The following GDPD5 variants were observed in gnomAD, a reference collection of about 807,000 sequenced individuals.
GDPD5 encodes the protein glycerophosphodiester phosphodiesterase 2.
In GDPD5, 48 loss-of-function variants were observed where a neutral mutation model predicts 75.1. The ratio of observed to expected loss-of-function variants is 0.64; its 90% CI spans 0.51 to 0.81. The LOEUF is 0.81. GDPD5 is among the 40% of genes least tolerant of loss of function. GDPD5 has a pLI of 0.00. For synonymous variants in GDPD5, 336 were observed against 339.0 expected (o/e 0.99, Z 0.10); for missense variants, 706 against 822.6 (o/e 0.86, Z 1.73).
chr11:75,481,986 G>A (rs1400537645), intron 2 of GDPD5, among the ~76,000 whole-genome samples: 1 of 152,110 alleles, frequency 6.6e-6, no homozygotes, highest in Non-Finnish European at 1.5e-5. Context: ...AGGAGGTACT[G>A]CAATGCTGAG....
intron 1 of GDPD5, among the ~76,000 whole-genome samples, chr11:75,511,768 A>C (rs982569569): frequency 6.6e-6 from 1 of 152,188 alleles, no homozygotes; most frequent in African/African-American, 2.4e-5. Flanking sequence ...ATGGCATCAG[A>C]CAGCCTCCAA....
intron 3 of GDPD5, among the ~76,000 whole-genome samples, chr11:75,463,504 C>T (rs138817128): frequency 1.0e-3 from 158 of 152,292 alleles, no homozygotes; most frequent in Non-Finnish European, 1.9e-3. Flanking sequence ...CCAGCTCAGG[C>T]GTCTGCAGGC....
chr11:75,446,393 C>T (rs1393518007), intron 9 of GDPD5, among the ~76,000 whole-genome samples: 2 of 152,092 alleles, frequency 1.3e-5, no homozygotes, highest in Non-Finnish European at 2.9e-5. Context: ...TCTTAGTCCC[C>T]GTCTCAGAGC....
At chr11:75,443,371 C>T (rs1948888215) in intron 10 of GDPD5, 85 bp from the exon 11 acceptor site, 1 of 1,462,188 alleles carries the variant, frequency 6.8e-7, no homozygotes, top group Non-Finnish European at 9.2e-7. Flanking sequence ...CACAGTCCTC[C>T]CCACCCAGCA....
intron 1 of GDPD5, among the ~76,000 whole-genome samples, chr11:75,496,210 G>GC (rs1950205907): frequency 6.6e-6 from 1 of 152,320 alleles, no homozygotes; most frequent in African/African-American, 2.4e-5. Flanking sequence ...CAGGCTAGAA[G>GC]CCCCCCGCCA....
chr11:75,436,359 C>T (rs974474973), intron 16 of GDPD5, among the ~76,000 whole-genome samples: 2 of 152,194 alleles, frequency 1.3e-5, no homozygotes, highest in Admixed American at 6.5e-5. Flanking sequence ...TCAGCTCACT[C>T]GGCCCTCATC....
chr11:75,444,331 G>C (rs1948925369), intron 10 of GDPD5, 82 bp downstream of exon 10: 2 of 1,003,694 alleles, frequency 2.0e-6, no homozygotes, highest in Non-Finnish European at 3.2e-6. Flanking sequence ...TCTGAGACCA[G>C]AGGTTCCCCC....
chr11:75,451,125 G>C (rs1949138684), intron 6 of GDPD5: 1 of 152,278 alleles, frequency 6.6e-6, no homozygotes, highest in Non-Finnish European at 1.5e-5. Flanking sequence ...TGGGGCGGTG[G>C]CCAGCATCTC....
At chr11:75,439,044 C>G (rs1948707687) in intron 15 of GDPD5, among the ~76,000 whole-genome samples, 1 of 152,124 alleles carries the variant, frequency 6.6e-6, no homozygotes, top group Non-Finnish European at 1.5e-5. Context: ...TCCCCTCCCC[C>G]AGGGAGACAC....
In GDPD5 at chr11:75,509,634, A is replaced by G. The variant is rs118082532; in HGVS notation, c.-145+15576T>C. 9.1e-4 allele frequency among the ~76,000 whole-genome samples: 138 copies of G among 152,344 alleles called. 1 individual carries two copies. In the East Asian group the frequency reaches 0.022, roughly 24 times the overall value. On this transcript the variant is annotated intron_variant, in intron 1 of 16. Coordinates refer to ENST00000336898, the MANE Select transcript of GDPD5 (RefSeq NM_030792.8). ...ATAAAAGTCCAGTGTGGAAGTTACT[A>G]TTAACAGACAAGAAGGCGGAGGCTC...
At chr11:75,443,830 C>T (rs1486703929) in intron 10 of GDPD5, among the ~76,000 whole-genome samples, 1 of 152,222 alleles carries the variant, frequency 6.6e-6, no homozygotes, top group African/African-American at 2.4e-5. Context: ...CTCTGTTCCT[C>T]AAGGCATTTT....
At chr11:75,475,681 C>A (rs1358465059) in intron 3 of GDPD5, among the ~76,000 whole-genome samples, 1 of 152,210 alleles carries the variant, frequency 6.6e-6, no homozygotes, top group Non-Finnish European at 1.5e-5. Context: ...AGAGGATGCT[C>A]ATCTTCAGCT....
intron 3 of GDPD5, among the ~76,000 whole-genome samples, chr11:75,474,971 CA>C (rs1176520345): frequency 6.6e-6 from 1 of 152,244 alleles, no homozygotes; most frequent in African/African-American, 2.4e-5. Flanking sequence ...GTTTAGGCTG[CA>C]AATCTATCAT....
chr11:75,512,244 C>A (rs1565222567), intron 1 of GDPD5, among the ~76,000 whole-genome samples: 1 of 145,012 alleles, frequency 6.9e-6, no homozygotes, highest in African/African-American at 2.5e-5. Flanking sequence ...TGTTCCATTT[C>A]TTAGTCCCTA....
intron 3 of GDPD5, among the ~76,000 whole-genome samples, chr11:75,470,548 T>A (rs1192847830): frequency 6.6e-6 from 1 of 152,216 alleles, no homozygotes; most frequent in Admixed American, 6.5e-5. Context: ...TCCATCTATA[T>A]ATAGTTCCAT....
chr11:75,451,915 C>A (rs1949168947), intron 6 of GDPD5: 1 of 152,206 alleles, frequency 6.6e-6, no homozygotes, highest in East Asian at 1.9e-4. Context: ...AGCACTGACA[C>A]CCAAAAACGC....
At chr11:75,483,998 C>A (rs1379543922) in intron 2 of GDPD5, among the ~76,000 whole-genome samples, 1 of 151,916 alleles carries the variant, frequency 6.6e-6, no homozygotes, top group African/African-American at 2.4e-5. Flanking sequence ...ACCAGCCTGG[C>A]CAACATGGTG....
chr11:75,522,651 T>A (rs917799170), intron 1 of GDPD5, among the ~76,000 whole-genome samples: 9 of 152,178 alleles, frequency 5.9e-5, no homozygotes, highest in African/African-American at 2.2e-4. Context: ...ACTTTCTCCC[T>A]GTCCTATCCT....
At chr11:75,484,350 A>G (rs575056410) in intron 2 of GDPD5, among the ~76,000 whole-genome samples, 1 of 152,318 alleles carries the variant, frequency 6.6e-6, no homozygotes, top group East Asian at 1.9e-4. Context: ...CAGCAGCTGC[A>G]CCAGAGGGGA....
Sources: allele counts gnomAD v4.1 joint callset (sites outside exome capture counted in the v4.1 genomes callset), GRCh38; gene constraint gnomAD v4.1.1; transcripts MANE v1.5; gene names NCBI Gene and HGNC (gene_info 2026-07-23, HGNC 2026-07-21).